FSTL5: variants seen among roughly 807,000 people sequenced by gnomAD.
The protein encoded by FSTL5 is follistatin like 5, also known as follistatin-related protein 5.
FSTL5 carries 62 observed loss-of-function variants against 89.1 expected under a neutral mutation model. The observed-to-expected ratio is 0.70, with a 90% CI of 0.57 to 0.86. FSTL5 has a LOEUF of 0.86. Ranked by LOEUF, FSTL5 falls within the 40% of genes least tolerant of loss-of-function variation. The pLI, the probability that FSTL5 is intolerant of heterozygous loss-of-function variation, is 0.00. For missense variants in FSTL5, 1,057 were observed against 1,001.6 expected (o/e 1.06, Z -0.75); for synonymous variants, 383 against 346.2 (o/e 1.11, Z -1.18).
At chr4:162,119,312 A>C (rs527561761) in intron 1 of FSTL5, among the ~76,000 whole-genome samples, 1 of 152,272 alleles carries the variant, frequency 6.6e-6, no homozygotes, top group East Asian at 1.9e-4. Context: ...AAAACAACTA[A>C]TTATTCATAC....
chr4:161,875,421 C>A (rs1330400360), intron 4 of FSTL5, among the ~76,000 whole-genome samples: 2 of 152,064 alleles, frequency 1.3e-5, no homozygotes, highest in African/African-American at 4.8e-5. Flanking sequence ...GGAGTGTGAC[C>A]TTTGTAACTT....
At chr4:161,434,977 A>G (rs1048888665) in intron 15 of FSTL5, among the ~76,000 whole-genome samples, 1 of 152,104 alleles carries the variant, frequency 6.6e-6, no homozygotes, top group African/African-American at 2.4e-5. Flanking sequence ...GGTAGTGGCA[A>G]TGCAATTAGA....
chr4:161,412,660 A>G (rs1731633926), intron 15 of FSTL5, among the ~76,000 whole-genome samples: 1 of 152,184 alleles, frequency 6.6e-6, no homozygotes, highest in Admixed American at 6.5e-5. Flanking sequence ...TTAAAACAAA[A>G]CAAAACAAAA....
At chr4:162,042,388 T>C (rs1737999068) in intron 2 of FSTL5, among the ~76,000 whole-genome samples, 4 of 152,094 alleles carry the variant, frequency 2.6e-5, no homozygotes, top group Admixed American at 2.6e-4. Flanking sequence ...ATAGAGTCTT[T>C]AAGAATTTTC....
chr4:161,594,852 C>T (rs947111243), intron 7 of FSTL5, among the ~76,000 whole-genome samples: 1 of 151,672 alleles, frequency 6.6e-6, no homozygotes, highest in Non-Finnish European at 1.5e-5. Context: ...GTAAATATGT[C>T]GAGTGCTATG....
At chr4:162,072,418 G>C (rs921534255) in intron 2 of FSTL5, among the ~76,000 whole-genome samples, 5 of 151,644 alleles carry the variant, frequency 3.3e-5, no homozygotes, top group African/African-American at 1.2e-4. Flanking sequence ...AAGATAACAA[G>C]GTTCTGAAAT....
intron 10 of FSTL5, among the ~76,000 whole-genome samples, chr4:161,530,110 G>T (rs1731357658): frequency 7.0e-6 from 1 of 142,512 alleles, no homozygotes; most frequent in African/African-American, 2.5e-5. Context: ...GACTAAAGAG[G>T]TTAATTAATT....
At chr4:161,954,799 T>C (rs1734985429) in intron 3 of FSTL5, among the ~76,000 whole-genome samples, 1 of 151,702 alleles carries the variant, frequency 6.6e-6, no homozygotes, top group Non-Finnish European at 1.5e-5. Context: ...CAAATGTCTT[T>C]AGCAAATTAA....
At chr4:161,801,315 C>T (rs1207005827) in intron 4 of FSTL5, among the ~76,000 whole-genome samples, 2 of 151,438 alleles carry the variant, frequency 1.3e-5, no homozygotes, top group Non-Finnish European at 3.0e-5. Context: ...AATTGGCAAA[C>T]AGTAGGGGTT....
At chr4:161,617,762 T>C (rs6852064) in intron 7 of FSTL5, among the ~76,000 whole-genome samples, 22,483 of 152,144 alleles carry the variant, frequency 0.15, 1,983 homozygotes, top group East Asian at 0.32. Context: ...AGAAAAACTG[T>C]GATTATAGAA....
intron 7 of FSTL5, among the ~76,000 whole-genome samples, chr4:161,645,025 G>A (rs536320312): frequency 6.6e-6 from 1 of 151,966 alleles, no homozygotes; most frequent in Non-Finnish European, 1.5e-5. Flanking sequence ...AAGTACATAG[G>A]GTTTAAGATA....
chr4:161,957,788 C>T (rs1370591226), intron 3 of FSTL5, among the ~76,000 whole-genome samples: 1 of 152,050 alleles, frequency 6.6e-6, no homozygotes, highest in Non-Finnish European at 1.5e-5. Flanking sequence ...AAAGCTTTTG[C>T]AGCCTTTTAA....
At chr4:162,036,698 T>C (rs1441591985) in intron 2 of FSTL5, among the ~76,000 whole-genome samples, 1 of 152,032 alleles carries the variant, frequency 6.6e-6, no homozygotes, top group African/African-American at 2.4e-5. Flanking sequence ...CAAGGAATTA[T>C]GAAATCCCAA....
chr4:161,709,381 A>G (rs1230811115), intron 6 of FSTL5, among the ~76,000 whole-genome samples: 4 of 152,166 alleles, frequency 2.6e-5, no homozygotes, highest in African/African-American at 9.7e-5. Flanking sequence ...TATTTAAACT[A>G]TATAAGCTTT....
intron 3 of FSTL5, among the ~76,000 whole-genome samples, chr4:161,932,039 T>C (rs908708787): frequency 6.6e-6 from 1 of 151,906 alleles, no homozygotes; most frequent in African/African-American, 2.4e-5. Flanking sequence ...GAGTAACGGT[T>C]CTAATTGTCA....
At chr4:161,566,997 T>C (rs923172718) in intron 8 of FSTL5, among the ~76,000 whole-genome samples, 3 of 152,108 alleles carry the variant, frequency 2.0e-5, no homozygotes, top group African/African-American at 7.2e-5. Flanking sequence ...CAGATGTCAA[T>C]GAATGAAATC....
chr4:161,531,166 T>A (rs931118836), intron 10 of FSTL5, among the ~76,000 whole-genome samples: 2 of 152,198 alleles, frequency 1.3e-5, no homozygotes, highest in African/African-American at 4.8e-5. Flanking sequence ...ATTTCTCACA[T>A]GAGAAAACTT....
intron 6 of FSTL5, among the ~76,000 whole-genome samples, chr4:161,692,821 T>C (rs1408962358): frequency 6.6e-6 from 1 of 152,146 alleles, no homozygotes; most frequent in East Asian, 1.9e-4. Context: ...ACTCCCTAGT[T>C]CAAGTGATTC....
At chr4:161,805,936 CT>C (rs1215953735) in intron 4 of FSTL5, among the ~76,000 whole-genome samples, 1 of 151,970 alleles carries the variant, frequency 6.6e-6, no homozygotes, top group East Asian at 1.9e-4. Flanking sequence ...ATTCACATAA[CT>C]TTTTTATAGT....
Sources: gnomAD v4.1 joint callset for allele counts (sites outside exome capture counted in the v4.1 genomes callset) on GRCh38, gnomAD v4.1.1 for gene constraint, MANE v1.5 for transcripts, NCBI Gene and HGNC (gene_info 2026-07-23, HGNC 2026-07-21) for gene names.